BTBD9: variants seen among roughly 807,000 people sequenced by gnomAD.
The protein encoded by BTBD9 is BTB domain containing 9, also known as BTB/POZ domain-containing protein 9.
BTBD9 carries 49 observed loss-of-function variants against 64.3 expected under a neutral mutation model. That is an observed-to-expected ratio of 0.76 (90% CI 0.61 to 0.97). The LOEUF (loss-of-function observed/expected upper bound fraction) is 0.97. Ranked by LOEUF, BTBD9 falls within the 50% of genes least tolerant of loss-of-function variation. BTBD9 has a pLI of 0.00. For missense variants in BTBD9, 598 were observed against 762.1 expected (o/e 0.78, Z 2.53); for synonymous variants, 260 against 274.7 (o/e 0.95, Z 0.53).
chr6:38,217,798 T>A (rs1176594213), intron 9 of BTBD9, among the ~76,000 whole-genome samples: 1 of 151,790 alleles, frequency 6.6e-6, no homozygotes, highest in Non-Finnish European at 1.5e-5. Context: ...ATCACTTGAG[T>A]CTCTGCTGTC....
At chr6:38,182,040 T>C (rs760329965) in intron 10 of BTBD9, among the ~76,000 whole-genome samples, 2 of 152,132 alleles carry the variant, frequency 1.3e-5, no homozygotes, top group Non-Finnish European at 1.5e-5. Flanking sequence ...AATTACTTCA[T>C]AGGGAGACAT....
At chr6:38,175,775 G>A (rs2127469388) in intron 10 of BTBD9, among the ~76,000 whole-genome samples, 1 of 152,338 alleles carries the variant, frequency 6.6e-6, no homozygotes, top group Admixed American at 6.5e-5. Flanking sequence ...ATGGCATGGT[G>A]TCCTGTCCTG....
intron 6 of BTBD9, among the ~76,000 whole-genome samples, chr6:38,535,873 A>T (rs1037604489): frequency 6.6e-6 from 1 of 152,144 alleles, no homozygotes; most frequent in South Asian, 2.1e-4. Flanking sequence ...TAAATCTACT[A>T]TCTCAAACTA....
At chr6:38,552,985 C>A (rs1774879741) in intron 6 of BTBD9, among the ~76,000 whole-genome samples, 2 of 152,168 alleles carry the variant, frequency 1.3e-5, no homozygotes, top group African/African-American at 2.4e-5. Context: ...AACCTACACA[C>A]AACCTTCTGT....
At chr6:38,470,825 A>G (rs1269823146) in intron 6 of BTBD9, among the ~76,000 whole-genome samples, 1 of 152,234 alleles carries the variant, frequency 6.6e-6, no homozygotes, top group Non-Finnish European at 1.5e-5. Flanking sequence ...GCCTCAGTCC[A>G]ACAGGCCAAG....
At chr6:38,526,703 T>A (rs1025084330) in intron 6 of BTBD9, among the ~76,000 whole-genome samples, 5 of 152,212 alleles carry the variant, frequency 3.3e-5, no homozygotes, top group African/African-American at 1.2e-4. Context: ...AGCTTTAAGA[T>A]TTAATGACTG....
intron 6 of BTBD9, among the ~76,000 whole-genome samples, chr6:38,560,518 C>T (rs1282523155): frequency 6.6e-6 from 1 of 152,036 alleles, no homozygotes; most frequent in Non-Finnish European, 1.5e-5. Flanking sequence ...TAAATATAAT[C>T]CTTTATATAA....
rs565044368 is a variant in BTBD9 at position 38,189,239 on chromosome 6, A to T, written c.1641+3280T>A. On this transcript the variant is annotated intron_variant, in intron 10 of 10. Transcript: ENST00000481247. ...CCAGCTCCACGAAGTGCTCTTGTCC[A>T]TGCGGTCATATCCTCTAGAGCTGTC... Among the ~76,000 whole-genome samples, 9 of 152,178 alleles carry T rather than the reference A, an allele frequency of 5.9e-5. No individual in the cohort carries two copies. The South Asian group carries it at 1.7e-3, about 28-fold the overall frequency.
intron 6 of BTBD9, among the ~76,000 whole-genome samples, chr6:38,484,343 T>C (rs756536284): frequency 6.6e-6 from 1 of 152,248 alleles, no homozygotes; most frequent in Admixed American, 6.5e-5. Flanking sequence ...GTTCAGCAGA[T>C]GGGCAAAAGT....
chr6:38,180,223 C>T (rs1403361610), intron 10 of BTBD9, among the ~76,000 whole-genome samples: 1 of 152,188 alleles, frequency 6.6e-6, no homozygotes, highest in Non-Finnish European at 1.5e-5. Flanking sequence ...TGGGTGGTCC[C>T]GATTCTGTTC....
intron 1 of BTBD9, among the ~76,000 whole-genome samples, chr6:38,604,225 A>T (rs1261774246): frequency 6.6e-6 from 1 of 152,240 alleles, no homozygotes; most frequent in Non-Finnish European, 1.5e-5. Context: ...TCTCTGGGAA[A>T]GATTTTGAAT....
chr6:38,176,972 C>A (rs1396619028), intron 10 of BTBD9, among the ~76,000 whole-genome samples: 1 of 152,200 alleles, frequency 6.6e-6, no homozygotes, highest in African/African-American at 2.4e-5. Context: ...CTTCTCATAA[C>A]CCAGCAAATA....
chr6:38,222,027 G>C (rs1453990170), intron 9 of BTBD9, among the ~76,000 whole-genome samples: 4 of 151,950 alleles, frequency 2.6e-5, no homozygotes, highest in African/African-American at 4.8e-5. Context: ...AAAGAAAGAT[G>C]ATCTCATTTA....
At chr6:38,202,335 C>T (rs1248850401) in intron 9 of BTBD9, among the ~76,000 whole-genome samples, 1 of 151,654 alleles carries the variant, frequency 6.6e-6, no homozygotes, top group Non-Finnish European at 1.5e-5. Flanking sequence ...ACCACCTCGG[C>T]CTCCCAAAGT....
intron 9 of BTBD9, among the ~76,000 whole-genome samples, chr6:38,217,318 CAAAAAAAAAAAAA>C (rs3047754): frequency 5.8e-5 from 4 of 69,252 alleles, no homozygotes; most frequent in African/African-American, 2.5e-4. Flanking sequence ...GACTCCATCT[CAAAAAAAAAAAAA>C]AAAAAAAAAA....
At chr6:38,196,623 T>G (rs1447077676) in intron 9 of BTBD9, among the ~76,000 whole-genome samples, 2 of 152,228 alleles carry the variant, frequency 1.3e-5, no homozygotes, top group Non-Finnish European at 2.9e-5. Flanking sequence ...TGGCACCGGC[T>G]GGGTGTTATG....
At chr6:38,356,036 A>G (rs1013210568) in intron 6 of BTBD9, among the ~76,000 whole-genome samples, 2 of 152,148 alleles carry the variant, frequency 1.3e-5, no homozygotes, top group Admixed American at 1.3e-4. Flanking sequence ...TGAACCTTCT[A>G]GTTTTGCTTT....
At chr6:38,202,577 C>T (rs1457999459) in intron 9 of BTBD9, among the ~76,000 whole-genome samples, 1 of 152,132 alleles carries the variant, frequency 6.6e-6, no homozygotes, top group East Asian at 1.9e-4. Context: ...AACAGCCCAA[C>T]AGAGTATACT....
At chr6:38,482,408 TTTC>T (rs1036557078) in intron 6 of BTBD9, 49 of 146,314 alleles carry the variant, frequency 3.3e-4, no homozygotes, top group African/African-American at 1.2e-3. Context: ...ATCCTTTCTC[TTTC>T]TTTTTTTTTT....
Sources: allele counts gnomAD v4.1 joint callset (sites outside exome capture counted in the v4.1 genomes callset), GRCh38; gene constraint gnomAD v4.1.1; transcripts MANE v1.5; gene names NCBI Gene and HGNC (gene_info 2026-07-23, HGNC 2026-07-21).